The following GPR63 variants were observed in gnomAD, a reference collection of about 807,000 sequenced individuals.
GPR63 encodes G protein-coupled receptor 63, also known as probable G protein-coupled receptor 63.
A neutral mutation model predicts 23.1 loss-of-function variants in GPR63; 12 were observed. The observed-to-expected ratio is 0.52, with a 90% confidence interval of 0.33 to 0.84. The LOEUF is 0.84. Ranked by LOEUF, GPR63 falls within the 40% of genes least tolerant of loss-of-function variation. GPR63 has a pLI of 0.02. For synonymous variants in GPR63, 172 were observed against 191.1 expected, an observed-to-expected ratio of 0.90 and a Z score of 0.82; for missense variants, 472 against 515.6, an observed-to-expected ratio of 0.92 and a Z score of 0.82.
At chr6:96,834,377 C>T (rs534952706) in intron 1 of GPR63, among the ~76,000 whole-genome samples, 2 of 151,994 alleles carry the variant, frequency 1.3e-5, no homozygotes, top group African/African-American at 2.4e-5. Context: ...GAAAATTCCC[C>T]GGAAATTGAA....
chr6:96,837,239 CGG>C (rs1774756898), intron 1 of GPR63, 27 bp downstream of exon 1: 1 of 152,400 alleles, frequency 6.6e-6, no homozygotes. Flanking sequence ...CCGGGGATCG[CGG>C]GCCGGGGATC....
intron 1 of GPR63, among the ~76,000 whole-genome samples, chr6:96,813,963 A>C (rs1376549015): frequency 6.6e-6 from 1 of 152,200 alleles, no homozygotes; most frequent in Non-Finnish European, 1.5e-5. Context: ...TTATGTAAAA[A>C]GTGGTATATT....
chr6:96,820,636 C>T (rs1422934886), intron 1 of GPR63, among the ~76,000 whole-genome samples: 2 of 151,898 alleles, frequency 1.3e-5, no homozygotes, highest in African/African-American at 4.8e-5. Context: ...AAAAAGCATG[C>T]TTATTTTGTT....
chr6:96,798,482 G>A lies in GPR63; in HGVS notation c.1250C>T (p.Thr417Met), dbSNP rs372591163. ...AGCCAGTTCCAATATTCACACCACC[G>A]TCCGATGTTCCCCACACACATAGAC... ...SAVYVCGEHRTVV is the reference protein window; with the variant it reads ...SAVYVCGEHRMVV Residue 417 changes from threonine to methionine, a missense_variant, in exon 2 of 2, where the codon ACG (threonine) becomes ATG (methionine). Physicochemically the swap from Thr to Met is moderately conservative, Grantham distance 81. Transcript: ENST00000229955. 7.5e-5 allele frequency: 121 copies of A among 1,612,124 alleles called. No homozygotes were observed. Among genetic ancestry groups the A allele is most frequent in the Non-Finnish European group, 9.2e-5 (108 of 1,178,554 alleles).
At chr6:96,833,655 A>C (rs1229447094) in intron 1 of GPR63, among the ~76,000 whole-genome samples, 1 of 152,188 alleles carries the variant, frequency 6.6e-6, no homozygotes, top group African/African-American at 2.4e-5. Context: ...AATTGAGAGA[A>C]AGAAGTTAAC....
Position 96,837,343 on chromosome 6 carries a change from T to C in GPR63, c.-226A>G, listed in dbSNP as rs942878872. 1 of 152,388 alleles carries C rather than the reference T, an allele frequency of 6.6e-6. No individual in the cohort carries two copies. Among genetic ancestry groups the C allele is most frequent in the Non-Finnish European group, 1.5e-5 (1 of 68,170 alleles). The allele number at this position is 152,388 out of a possible 1,614,324, so 9.4% of individuals were successfully genotyped here. The stretch of plus-strand genomic sequence containing the variant: ...GGCTCCATGTAGTCCCTCCCGGAAC[T>C]TTCCTGACATAGCACTTCTCTCCTC... On this transcript the variant is annotated 5_prime_UTR_variant, in exon 1 of 2. Transcript: ENST00000229955.
chr6:96,830,468 A>G (rs1562126979), intron 1 of GPR63, among the ~76,000 whole-genome samples: 1 of 152,218 alleles, frequency 6.6e-6, no homozygotes, highest in Non-Finnish European at 1.5e-5. Flanking sequence ...TTACTTAAAC[A>G]AAAAGCATAT....
chr6:96,819,853 G>GT lies in GPR63; in HGVS notation c.-151+17414dup, dbSNP rs1774261202. On this transcript the variant is annotated intron_variant, in intron 1 of 1. Transcript: ENST00000229955. Reference sequence around the variant, plus strand: ...TAGCTAGGCGTGGTGGCGGGCGCCTGTAGTCCCAGCTGCTCTGGAGGCTGA... The same window carrying GT: ...TAGCTAGGCGTGGTGGCGGGCGCCTGTTAGTCCCAGCTGCTCTGGAGGCTGA... 2.0e-5 allele frequency among the ~76,000 whole-genome samples: 3 copies of GT among 151,460 alleles called. No homozygotes were observed. In the South Asian group the frequency reaches 6.2e-4, roughly 32 times the overall value.
Position 96,829,974 on chromosome 6 carries a change from A to C in GPR63, c.-151+7294T>G, listed in dbSNP as rs549609764. Among the ~76,000 whole-genome samples the C allele has an allele frequency of 5.9e-5, 9 of 152,332 alleles. No individual in the cohort carries two copies. In the South Asian group the frequency reaches 1.7e-3, roughly 28 times the overall value. The stretch of plus-strand genomic sequence containing the variant: ...TACATTATATACAATAAATTAACAA[A>C]AAACAAATTACAGCTACAAACAACA... On this transcript the variant is annotated intron_variant, in intron 1 of 1. Transcript: ENST00000229955.
chr6:96,808,592 T>A lies in GPR63; in HGVS notation c.-150-8711A>T, dbSNP rs181674705. ...AGTGCCCAAAAGGATTTTCTGATGC[T>A]GCAGTAATATAAATGTTGGCTGTTT... On this transcript the variant is annotated intron_variant, in intron 1 of 1. Transcript: ENST00000229955. Among the ~76,000 whole-genome samples, 189 of 152,292 alleles carry A rather than the reference T, an allele frequency of 1.2e-3. 1 individual carries two copies. Among genetic ancestry groups the A allele is most frequent in the African/African-American group, 4.4e-3 (181 of 41,570 alleles).
chr6:96,815,921 C>T (rs774745781), intron 1 of GPR63, among the ~76,000 whole-genome samples: 8 of 152,006 alleles, frequency 5.3e-5, no homozygotes, highest in Non-Finnish European at 8.8e-5. Context: ...TTTTGAAATG[C>T]GATCCGCTTC....
At position 96,799,092 on chromosome 6, in the gene GPR63, C is replaced by T; in HGVS notation, c.640G>A (p.Ala214Thr). The T allele has an allele frequency of 6.2e-7, 1 of 1,614,128 alleles. No homozygotes were observed. Among genetic ancestry groups the T allele is most frequent in the Non-Finnish European group, 8.5e-7 (1 of 1,180,026 alleles). The change falls in exon 2 of 2, where the codon GCC (alanine) becomes ACC (threonine). Residue 214 changes from alanine (A) to threonine (T), a missense_variant. Ala to Thr is a moderately conservative substitution (Grantham distance 58). Coordinates refer to ENST00000229955, the MANE Select transcript of GPR63 (RefSeq NM_030784.4). The part of the protein sequence containing the change: ...ATSFCVAFPL[A>T]VGNPDLQIPS... Reference sequence around the variant, plus strand: ...ATCTGCAGGTCGGGGTTTCCTACGGCTAAAGGAAAAGCTACACAAAAGGAA... The same window carrying T: ...ATCTGCAGGTCGGGGTTTCCTACGGTTAAAGGAAAAGCTACACAAAAGGAA...
intron 1 of GPR63, among the ~76,000 whole-genome samples, chr6:96,804,832 A>T (rs1773855852): frequency 1.3e-5 from 2 of 152,298 alleles, no homozygotes; most frequent in East Asian, 3.9e-4. Flanking sequence ...CTTTATTTGA[A>T]ACTTCTGAAT....
chr6:96,802,257 T>C (rs1398175733), intron 1 of GPR63, among the ~76,000 whole-genome samples: 2 of 152,186 alleles, frequency 1.3e-5, no homozygotes, highest in African/African-American at 2.4e-5. Flanking sequence ...CATTGTATCT[T>C]TCTACCATAA....
chr6:96,832,392 G>A (rs192655791), intron 1 of GPR63, among the ~76,000 whole-genome samples: 1 of 151,348 alleles, frequency 6.6e-6, no homozygotes, highest in African/African-American at 2.4e-5. Context: ...AGCTTCGCAA[G>A]TAGCTGGGAC....
chr6:96,825,898 C>CT (rs1774427556), intron 1 of GPR63, among the ~76,000 whole-genome samples: 1 of 151,880 alleles, frequency 6.6e-6, no homozygotes. Flanking sequence ...TTCTTCAACT[C>CT]TTTCTAGTAA....
intron 1 of GPR63, among the ~76,000 whole-genome samples, chr6:96,818,188 G>A (rs951068213): frequency 1.5e-4 from 23 of 152,112 alleles, no homozygotes; most frequent in Admixed American, 1.1e-3. Flanking sequence ...ATGGCCAGGC[G>A]TGGTGGCTCA....
chr6:96,799,214 AG>A lies in GPR63; in HGVS notation c.517del (p.Leu173SerfsTer5). 1 of 1,614,198 alleles carries A rather than the reference AG, an allele frequency of 6.2e-7. No individual in the cohort carries two copies. On this transcript the variant is annotated frameshift_variant, in exon 2 of 2. Transcript: ENST00000229955. LOFTEE classifies it high-confidence loss of function. ...AAGGAACCTATCTATGCTAATGATG[AG>A]CAGGATGGCTACTCCTTCTATCACA... ...LFVIEGVAIL[L>X]IISIDRFLII...
Position 96,798,331 on chromosome 6 carries a change from A to G in GPR63, c.*141T>C. 1 of 765,446 alleles carries G rather than the reference A, an allele frequency of 1.3e-6. No individual in the cohort carries two copies. The highest frequency in any genetic ancestry group is 2.1e-6 in the Non-Finnish European group (1 of 487,716). 47.4% of individuals were successfully genotyped at this position (765,446 alleles called of 1,614,324 possible). A position where few individuals can be genotyped will look rare whatever the true frequency, so the allele number is the denominator to read the frequency against. ...ATTTATTCTTGGTAACAGAACTATA[A>G]TTACCATTCTTTCTTTACACTGCTC... On this transcript the variant is annotated 3_prime_UTR_variant, in exon 2 of 2. Coordinates refer to ENST00000229955, the MANE Select transcript of GPR63 (RefSeq NM_030784.4).
Sources: gnomAD v4.1 joint callset for allele counts (sites outside exome capture counted in the v4.1 genomes callset) on GRCh38, gnomAD v4.1.1 for gene constraint, MANE v1.5 for transcripts, NCBI Gene and HGNC (gene_info 2026-07-23, HGNC 2026-07-21) for gene names.